Variants in BCAR1 observed in about 807,000 individuals in gnomAD.
The protein encoded by BCAR1 is breast cancer anti-estrogen resistance protein 1.
BCAR1 carries 30 observed loss-of-function variants against 67.6 expected under a neutral mutation model. That is an observed-to-expected ratio of 0.44 (90% CI 0.33 to 0.60). The LOEUF is 0.60. Among genes scored for constraint, BCAR1 ranks in the 20% least tolerant of loss-of-function variants. BCAR1 has a pLI of 0.02. For missense variants in BCAR1, 1,313 were observed against 1,222.3 expected (o/e 1.07, Z -1.11); for synonymous variants, 626 against 556.7 (o/e 1.12, Z -1.75).
At position 75,235,758 on chromosome 16, in the gene BCAR1, G is replaced by T; in HGVS notation, c.1141C>A (p.Pro381Thr). Residue 381 changes from proline to threonine, a missense_variant, in exon 5 of 7, where the codon CCT becomes ACT. This residue lies in a region of BCAR1 where 1,272 missense variants were observed against 1,137.5 expected (regional missense o/e 1.12). Transcript: ENST00000162330. ...ACATCGTACAGGGTGCCCGGGCCAG[G>T]CCGCCGCAAGCCAGGGGGCACGTCG... The part of the protein sequence containing the change: ...LYDVPPGLRR[P>T]GPGTLYDVPR... 6.3e-7 allele frequency: 1 copy of T among 1,591,462 alleles called. No homozygotes were observed. Among genetic ancestry groups the T allele is most frequent in the Non-Finnish European group, 8.6e-7 (1 of 1,168,754 alleles).
At chr16:75,231,062 A>G (rs1286120522) in intron 6 of BCAR1, among the ~76,000 whole-genome samples, 1 of 146,890 alleles carries the variant, frequency 6.8e-6, no homozygotes, top group African/African-American at 2.5e-5. Flanking sequence ...TTTTATTTTT[A>G]TAAAGAAGGA....
At chr16:75,231,394 CT>C (rs1397814188) in intron 6 of BCAR1, among the ~76,000 whole-genome samples, 1 of 152,106 alleles carries the variant, frequency 6.6e-6, no homozygotes, top group African/African-American at 2.4e-5. Flanking sequence ...CCTTTTTATT[CT>C]TTGACAACTC....
rs1472611673 is a variant in BCAR1, at chr16:75,228,295, G to A, written c.*1216C>T. ...TGTCACGGGGACAACCTCTGTAGAG[G>A]TAAGATCAGGAGGGCTTGCGAATCA... is the stretch of plus-strand genomic sequence containing the variant. On this transcript the variant is annotated 3_prime_UTR_variant, in exon 7 of 7. Coordinates refer to ENST00000162330, the MANE Select transcript of BCAR1 (RefSeq NM_014567.5). The A allele has an allele frequency of 1.3e-5, 2 of 152,284 alleles. No homozygotes were observed. Among genetic ancestry groups the A allele is most frequent in the African/African-American group, 4.8e-5 (2 of 41,436 alleles). The allele number at this position is 152,284 out of a possible 1,614,324, so 9.4% of individuals were successfully genotyped here.
upstream of BCAR1, chr16:75,252,373 C>T: frequency 6.6e-7 from 1 of 1,517,680 alleles, no homozygotes; most frequent in Non-Finnish European, 8.8e-7. Flanking sequence ...TCATCTGCTT[C>T]AGCGACATGG....
chr16:75,237,792 T>C (rs1049256682), intron 2 of BCAR1, among the ~76,000 whole-genome samples: 12 of 152,124 alleles, frequency 7.9e-5, no homozygotes, highest in African/African-American at 2.7e-4. Flanking sequence ...CCACACCACC[T>C]AGCTGTAGCC....
At chr16:75,230,401 G>A (rs920299127) in intron 6 of BCAR1, among the ~76,000 whole-genome samples, 3 of 152,080 alleles carry the variant, frequency 2.0e-5, no homozygotes, top group South Asian at 2.1e-4. Flanking sequence ...GGGACCCCTC[G>A]ACCCTATCTT....
intron 2 of BCAR1, chr16:75,238,989 C>T (rs2077240264): frequency 1.0e-6 from 1 of 985,318 alleles, no homozygotes; most frequent in African/African-American, 1.7e-5. Context: ...GCCATCCCAA[C>T]CTCACGCGGT....
chr16:75,238,840 G>T (rs1036516089), intron 2 of BCAR1: 1 of 985,432 alleles, frequency 1.0e-6, no homozygotes, highest in Non-Finnish European at 1.2e-6. Flanking sequence ...TGGCAGGTTG[G>T]CTGGGCCTCG....
At chr16:75,253,284 C>T (rs1002330270), upstream of BCAR1, among the ~76,000 whole-genome samples, 3 of 152,220 alleles carry the variant, frequency 2.0e-5, no homozygotes, top group African/African-American at 4.8e-5. Context: ...TCTGAACCAG[C>T]GGGACCCTCA....
rs1017600448 is a variant in BCAR1 at position 75,264,190 on chromosome 16, G to C, written c.66+3725C>G. 3.0e-6 allele frequency: 4 copies of C among 1,332,910 alleles called. No individual in the cohort carries two copies. The African/African-American group carries it at 5.9e-5, about 20-fold the overall frequency. The allele number at this position is 1,332,910 out of a possible 1,614,324, so 82.6% of individuals were successfully genotyped here. A position where few individuals can be genotyped will look rare whatever the true frequency, so the allele number is the denominator to read the frequency against. On this transcript the variant is annotated intron_variant, in intron 1 of 6. Coordinates refer to the BCAR1 transcript ENST00000393422. ...GCCAAAGAAGGCTGCCCAAAGTCCT[G>C]TAAGGCAAGGGGTCAGGGTGCCATC...
At chr16:75,250,897 C>G (rs954856496) in intron 1 of BCAR1, 9 of 985,426 alleles carry the variant, frequency 9.1e-6, no homozygotes, top group Non-Finnish European at 1.1e-5. Flanking sequence ...CGCCCGCCCC[C>G]ACTCCCGCTC....
intron 1 of BCAR1, among the ~76,000 whole-genome samples, chr16:75,259,121 A>G (rs923225709): frequency 6.6e-6 from 1 of 152,194 alleles, no homozygotes; most frequent in African/African-American, 2.4e-5. Context: ...GATAACCTGC[A>G]AAGAGGCAGT....
intron 1 of BCAR1, chr16:75,264,731 CA>C: frequency 9.2e-7 from 1 of 1,085,910 alleles, no homozygotes; most frequent in Non-Finnish European, 1.2e-6. Flanking sequence ...ATGAAGAGGC[CA>C]CTTGCCAGAA....
chr16:75,262,380 A>G (rs2077923187), intron 1 of BCAR1, among the ~76,000 whole-genome samples: 2 of 152,170 alleles, frequency 1.3e-5, no homozygotes, highest in African/African-American at 2.4e-5. Flanking sequence ...CACCCCACCA[A>G]CAAATGGACA....
At position 75,231,856 on chromosome 16, in the gene BCAR1, T is replaced by C. The variant is rs145253765; in HGVS notation, c.2101-1833A>G. Among the ~76,000 whole-genome samples the C allele has an allele frequency of 7.2e-3, 1,093 of 152,354 alleles. 8 individuals carry two copies. The highest frequency in any genetic ancestry group is 0.01 in the Non-Finnish European group (701 of 68,026). ...AGAGTTCTCTCTCTAGACAGAGATA[T>C]AGACCTATATATTGTTGATATTTCA... On this transcript the variant is annotated intron_variant, in intron 6 of 6. Transcript: ENST00000162330.
chr16:75,249,945 G>A (rs2077625579), intron 1 of BCAR1: 1 of 152,296 alleles, frequency 6.6e-6, no homozygotes, highest in Non-Finnish European at 1.5e-5. Context: ...CTGTCTCTCT[G>A]TACCTCAGTG....
chr16:75,242,084 A>C (rs1567605588), intron 2 of BCAR1, among the ~76,000 whole-genome samples: 2 of 152,200 alleles, frequency 1.3e-5, no homozygotes, highest in Non-Finnish European at 2.9e-5. Context: ...AGAGGCTGAC[A>C]CGTAAACCCA....
intron 1 of BCAR1, chr16:75,263,906 C>T: frequency 9.4e-7 from 1 of 1,058,292 alleles, no homozygotes; most frequent in African/African-American, 1.7e-5. Context: ...CTCCTCTTGG[C>T]CCCACCACCT....
In BCAR1 at chr16:75,229,477, C is replaced by T. The variant is rs747667974; in HGVS notation, c.*34G>A. The T allele has an allele frequency of 1.9e-5, 29 of 1,496,686 alleles. No homozygotes were observed. Among genetic ancestry groups the T allele is most frequent in the East Asian group, 2.4e-5 (1 of 41,274 alleles). The allele number at this position is 1,496,686 out of a possible 1,614,324, so 92.7% of individuals were successfully genotyped here. On this transcript the variant is annotated 3_prime_UTR_variant, in exon 7 of 7. Transcript: ENST00000162330. The stretch of plus-strand genomic sequence containing the variant: ...GAGCCAGGGAGCTGGGACCGCCGCA[C>T]CCCTCCCCTGCCTCCCTCCTGGGGT...
Sources: gnomAD v4.1 joint callset for allele counts (sites outside exome capture counted in the v4.1 genomes callset) on GRCh38, gnomAD v4.1.1 for gene constraint, gnomAD v4.1.1 regional missense constraint, MANE v1.5 for transcripts, NCBI Gene and HGNC (gene_info 2026-07-23, HGNC 2026-07-21) for gene names.